The following CFAP54 variants were observed in gnomAD, a reference collection of about 807,000 sequenced individuals.
CFAP54 encodes the protein cilia and flagella associated protein 54.
Under a neutral mutation model 370.4 loss-of-function variants are expected in CFAP54, and 290 were observed. The ratio of observed to expected loss-of-function variants is 0.78; its 90% confidence interval spans 0.71 to 0.86. The LOEUF (loss-of-function observed/expected upper bound fraction) is 0.86, where lower values mean the gene tolerates loss of function less well. CFAP54 is among the 40% of genes least tolerant of loss of function. The probability of loss-of-function intolerance (pLI) is 0.00; values close to 1 mark genes in which losing one functional copy is unlikely to be tolerated. For synonymous variants in CFAP54, 1,206 were observed against 1,236.5 expected, an observed-to-expected ratio of 0.98 and a Z score of 0.52; for missense variants, 3,399 against 3,528.7, an observed-to-expected ratio of 0.96 and a Z score of 0.93.
intron 28 of CFAP54, among the ~76,000 whole-genome samples, chr12:96,625,008 C>T (rs1592891517): frequency 6.6e-6 from 1 of 152,072 alleles, no homozygotes; most frequent in African/African-American, 2.4e-5. Context: ...CCAAGAAGCA[C>T]AATGAGCTAT....
chr12:96,600,120 T>C (rs979615811), intron 26 of CFAP54, among the ~76,000 whole-genome samples: 2 of 152,244 alleles, frequency 1.3e-5, no homozygotes, highest in African/African-American at 4.8e-5. Context: ...TCTAGGGTTT[T>C]TATGGTTTCA....
chr12:96,708,871 C>T, intron 48 of CFAP54, 68 bp downstream of exon 48: 1 of 1,229,294 alleles, frequency 8.1e-7, no homozygotes, highest in South Asian at 1.5e-5. Context: ...CCAGCCCCCA[C>T]TAATCTATAT....
intron 15 of CFAP54, among the ~76,000 whole-genome samples, chr12:96,548,658 A>G (rs1453640816): frequency 6.6e-6 from 1 of 152,160 alleles, no homozygotes; most frequent in Non-Finnish European, 1.5e-5. Flanking sequence ...TCTTCTGAAG[A>G]GAGCTAGATT....
At chr12:96,718,549 TTAAG>T (rs1293428389) in intron 49 of CFAP54, 27 bp downstream of exon 49, 1 of 1,383,936 alleles carries the variant, frequency 7.2e-7, no homozygotes, top group East Asian at 2.3e-5. Flanking sequence ...TTTCAAACCA[TTAAG>T]TTAGTTACCA....
chr12:96,595,858 C>T lies in CFAP54; in HGVS notation c.3516+1412C>T, dbSNP rs146624970. On this transcript the variant is annotated intron_variant, in intron 25 of 67. Coordinates refer to ENST00000524981, the MANE Select transcript of CFAP54 (RefSeq NM_001306084.2). ...TCAGACCTACTTTGGAGGGGGTATC[C>T]CAGCCTCCCCCAGATATTTAATGTG... Among the ~76,000 whole-genome samples the T allele has an allele frequency of 7.8e-3, 1,194 of 152,142 alleles. 4 individuals are homozygous for T. Among genetic ancestry groups the T allele is most frequent in the Non-Finnish European group, 0.012 (831 of 67,986 alleles).
chr12:96,764,075 A>G (rs1958369145), intron 58 of CFAP54, 76 bp from the exon 59 acceptor site: 1 of 923,398 alleles, frequency 1.1e-6, no homozygotes, highest in African/African-American at 1.6e-5. Context: ...ATAGCATTTC[A>G]CTAAAATGTC....
chr12:96,623,424 C>T (rs1488932769), intron 27 of CFAP54, among the ~76,000 whole-genome samples: 1 of 152,094 alleles, frequency 6.6e-6, no homozygotes, highest in African/African-American at 2.4e-5. Flanking sequence ...TGAGGGCAGG[C>T]TGGGAATTGT....
intron 32 of CFAP54, among the ~76,000 whole-genome samples, chr12:96,641,927 G>T: frequency 7.2e-6 from 1 of 139,598 alleles, no homozygotes; most frequent in Non-Finnish European, 1.6e-5. Flanking sequence ...GGGGCCTGTT[G>T]TGGGGTGGTG....
chr12:96,753,624 A>G (rs1958215673), intron 55 of CFAP54, 119 bp from the exon 56 acceptor site: 1 of 988,144 alleles, frequency 1.0e-6, no homozygotes, highest in African/African-American at 1.6e-5. Context: ...TAAAAACTGT[A>G]AAAACTACCA....
chr12:96,741,184 T>A (rs1958046992), intron 51 of CFAP54, among the ~76,000 whole-genome samples: 1 of 152,234 alleles, frequency 6.6e-6, no homozygotes, highest in Admixed American at 6.5e-5. Context: ...GGTTTTTTTT[T>A]GAGACGGAGT....
At chr12:96,840,696 T>C (rs1364782678) in intron 66 of CFAP54, among the ~76,000 whole-genome samples, 1 of 151,786 alleles carries the variant, frequency 6.6e-6, no homozygotes, top group Non-Finnish European at 1.5e-5. Context: ...TACATCTTTC[T>C]TCTGTGAGAC....
At position 96,647,881 on chromosome 12, in the gene CFAP54, A is replaced by C; in HGVS notation, c.4554A>C (p.Arg1518=). Residue 1518 remains arginine, a synonymous_variant, in exon 34 of 68, where the codon CGA becomes CGC. Coordinates refer to ENST00000524981, the MANE Select transcript of CFAP54 (RefSeq NM_001306084.2). ...GATTTTTCCCCCCTTGCAGTTTCCG[A>C]TCATGTGATCCTAACATGTTTTCAC... ...FGTSHMMVSF[R]SCDPNMFSLY... is the part of the protein sequence containing the mutation. 1 of 1,501,926 alleles carries C rather than the reference A, an allele frequency of 6.7e-7. No individual in the cohort carries two copies. Among genetic ancestry groups the C allele is most frequent in the South Asian group, 1.3e-5 (1 of 76,054 alleles). The allele number at this position is 1,501,926 out of a possible 1,614,324, so 93.0% of individuals were successfully genotyped here.
intron 67 of CFAP54, 34 bp downstream of exon 67, chr12:96,860,986 C>G (rs1035659646): frequency 1.4e-6 from 2 of 1,418,956 alleles, no homozygotes; most frequent in Non-Finnish European, 1.8e-6. Flanking sequence ...GTTGTTGTTT[C>G]TCTTCATTTG....
At chr12:96,670,314 A>G (rs1473206359) in intron 39 of CFAP54, among the ~76,000 whole-genome samples, 1 of 152,218 alleles carries the variant, frequency 6.6e-6, no homozygotes, top group Non-Finnish European at 1.5e-5. Context: ...AATTATAATT[A>G]TGCATTGCAC....
chr12:96,552,474 T>G (rs944291352), intron 15 of CFAP54, among the ~76,000 whole-genome samples: 9 of 151,970 alleles, frequency 5.9e-5, no homozygotes, highest in Non-Finnish European at 1.0e-4. Flanking sequence ...CTCCCAAGTA[T>G]GTGGGACTAC....
At chr12:96,858,494 AT>A (rs1358921738) in intron 66 of CFAP54, among the ~76,000 whole-genome samples, 1 of 152,216 alleles carries the variant, frequency 6.6e-6, no homozygotes, top group Non-Finnish European at 1.5e-5. Context: ...CTTAAGTTTA[AT>A]TAGATCCCAC....
chr12:96,775,708 A>G (rs920577084), intron 60 of CFAP54, among the ~76,000 whole-genome samples: 1 of 152,140 alleles, frequency 6.6e-6, no homozygotes, highest in Non-Finnish European at 1.5e-5. Flanking sequence ...TGTTACTTGG[A>G]CTATGAATAT....
At chr12:96,568,903 TG>T (rs1323995695) in intron 19 of CFAP54, among the ~76,000 whole-genome samples, 2 of 149,740 alleles carry the variant, frequency 1.3e-5, no homozygotes, top group East Asian at 3.9e-4. Context: ...GTGAGATGAC[TG>T]GCTTTTTTTT....
intron 25 of CFAP54, among the ~76,000 whole-genome samples, chr12:96,597,183 T>C (rs537835548): frequency 6.6e-5 from 10 of 152,108 alleles, no homozygotes; most frequent in Non-Finnish European, 1.5e-4. Flanking sequence ...TAGAATAAAA[T>C]TTTAATAAAA....
Sources: gnomAD v4.1 joint callset for allele counts (sites outside exome capture counted in the v4.1 genomes callset) on GRCh38, gnomAD v4.1.1 for gene constraint, MANE v1.5 for transcripts, NCBI Gene and HGNC (gene_info 2026-07-23, HGNC 2026-07-21) for gene names.